Variants in FAF1 observed in about 807,000 individuals in gnomAD.
The protein encoded by FAF1 is FAS-associated factor 1.
FAF1 carries 25 observed loss-of-function variants against 92.5 expected under a neutral mutation model. The ratio of observed to expected loss-of-function variants is 0.27; its 90% CI spans 0.20 to 0.38. The LOEUF is 0.38. Among genes scored for constraint, FAF1 ranks in the 10% least tolerant of loss-of-function variants. The pLI is 1.00. For synonymous variants in FAF1, 234 were observed against 273.2 expected, an observed-to-expected ratio of 0.86 and a Z score of 1.42; for missense variants, 636 against 793.3, an observed-to-expected ratio of 0.80 and a Z score of 2.38.
chr1:50,751,102 T>C (rs760620964), intron 4 of FAF1, among the ~76,000 whole-genome samples: 4 of 141,818 alleles, frequency 2.8e-5, no homozygotes, highest in Admixed American at 7.2e-5. Flanking sequence ...CATATTAGTA[T>C]AGTAAATGAG....
chr1:50,627,608 A>C (rs561444479), intron 8 of FAF1, among the ~76,000 whole-genome samples: 1 of 152,192 alleles, frequency 6.6e-6, no homozygotes, highest in East Asian at 1.9e-4. Context: ...AAAGAGACAA[A>C]TAGTACATAC....
intron 7 of FAF1, among the ~76,000 whole-genome samples, chr1:50,689,305 C>A (rs1293141986): frequency 6.6e-6 from 1 of 152,152 alleles, no homozygotes; most frequent in African/African-American, 2.4e-5. Flanking sequence ...TATGTCCAGG[C>A]CAGGCGCAGT....
chr1:50,548,113 T>A (rs1649122141), intron 13 of FAF1, among the ~76,000 whole-genome samples: 1 of 152,186 alleles, frequency 6.6e-6, no homozygotes, highest in African/African-American at 2.4e-5. Context: ...CATATAACAT[T>A]TCTTCTGTGT....
chr1:50,703,171 C>G (rs1657544240), intron 7 of FAF1, among the ~76,000 whole-genome samples: 1 of 152,026 alleles, frequency 6.6e-6, no homozygotes, highest in Non-Finnish European at 1.5e-5. Context: ...TACAATTTAG[C>G]ACATATGGTA....
intron 8 of FAF1, chr1:50,612,624 T>C: frequency 3.2e-6 from 1 of 311,702 alleles, no homozygotes; most frequent in Non-Finnish European, 4.7e-6. Flanking sequence ...TCCAGCAGCA[T>C]CTAATTCCTT....
At chr1:50,677,837 G>T (rs1170906017) in intron 7 of FAF1, among the ~76,000 whole-genome samples, 1 of 148,926 alleles carries the variant, frequency 6.7e-6, no homozygotes, top group African/African-American at 2.5e-5. Context: ...GGAGGTTGTG[G>T]TGAGCCGAGA....
chr1:50,796,868 A>G (rs1569963117), intron 3 of FAF1, among the ~76,000 whole-genome samples: 1 of 152,066 alleles, frequency 6.6e-6, no homozygotes, highest in Non-Finnish European at 1.5e-5. Context: ...GGTGGCTCAC[A>G]CCTGTAATCC....
intron 1 of FAF1, among the ~76,000 whole-genome samples, chr1:50,903,222 T>C (rs1275863663): frequency 6.6e-6 from 1 of 152,190 alleles, no homozygotes; most frequent in Non-Finnish European, 1.5e-5. Flanking sequence ...TATTTCCTTG[T>C]TTATCATCTT....
chr1:50,589,337 A>G (rs946033673), intron 9 of FAF1, among the ~76,000 whole-genome samples: 8 of 152,044 alleles, frequency 5.3e-5, no homozygotes, highest in African/African-American at 1.7e-4. Context: ...CACCTGAAAA[A>G]TACGAAGTCT....
chr1:50,613,825 A>C (rs543725782), intron 8 of FAF1, among the ~76,000 whole-genome samples: 1 of 152,240 alleles, frequency 6.6e-6, no homozygotes, highest in Admixed American at 6.5e-5. Context: ...CAGGCAGGGC[A>C]TGGTGGCTCA....
rs376937412 is a variant in FAF1 at position 50,929,188 on chromosome 1, A to G, written c.45+30579T>C. On this transcript the variant is annotated intron_variant, in intron 1 of 18. Coordinates refer to ENST00000396153, the MANE Select transcript of FAF1 (RefSeq NM_007051.3). ...ATTATTAGGAAATGATGTGTTTAATAATACTCTCAAAGTATATCCCACAAT... is the reference window on the plus strand; with the variant it reads ...ATTATTAGGAAATGATGTGTTTAATGATACTCTCAAAGTATATCCCACAAT... Among the ~76,000 whole-genome samples, 14 of 152,172 alleles carry G rather than the reference A, an allele frequency of 9.2e-5. No individual in the cohort carries two copies. The East Asian group carries it at 2.5e-3, about 27-fold the overall frequency.
chr1:50,728,584 A>C (rs1658760771), intron 6 of FAF1, among the ~76,000 whole-genome samples: 2 of 152,046 alleles, frequency 1.3e-5, no homozygotes, highest in Non-Finnish European at 2.9e-5. Flanking sequence ...TGAGGTCAGA[A>C]GTTTGAGACC....
chr1:50,584,598 G>A, intron 10 of FAF1, 87 bp downstream of exon 10: 1 of 1,304,174 alleles, frequency 7.7e-7, no homozygotes, highest in Non-Finnish European at 1.1e-6. Flanking sequence ...AGGTCAGTAA[G>A]AGATGTTTAA....
chr1:50,863,198 G>A (rs552039498), intron 1 of FAF1, among the ~76,000 whole-genome samples: 5 of 151,678 alleles, frequency 3.3e-5, no homozygotes, highest in African/African-American at 7.3e-5. Flanking sequence ...ATTGGAAATC[G>A]ACTCCAAAAG....
intron 15 of FAF1, among the ~76,000 whole-genome samples, chr1:50,496,481 T>C (rs1354956508): frequency 6.6e-6 from 1 of 152,184 alleles, no homozygotes; most frequent in Admixed American, 6.5e-5. Context: ...AAGTGAGAGA[T>C]GTAAATGATG....
intron 1 of FAF1, among the ~76,000 whole-genome samples, chr1:50,947,473 T>G (rs765792805): frequency 6.6e-6 from 1 of 152,242 alleles, no homozygotes; most frequent in Non-Finnish European, 1.5e-5. Flanking sequence ...TCTGTTAATT[T>G]TACCAGACTG....
chr1:50,777,240 C>T (rs189433686), intron 4 of FAF1, among the ~76,000 whole-genome samples: 1 of 151,588 alleles, frequency 6.6e-6, no homozygotes, highest in African/African-American at 2.4e-5. Context: ...AATGAGACCC[C>T]ATTTCTTCAA....
At chr1:50,623,438 G>A (rs538852866) in intron 8 of FAF1, among the ~76,000 whole-genome samples, 35 of 151,650 alleles carry the variant, frequency 2.3e-4, no homozygotes, top group South Asian at 8.3e-4. Context: ...GTGTGGCGGC[G>A]TGCACCTGTA....
chr1:50,620,297 T>C (rs138011693), intron 8 of FAF1, among the ~76,000 whole-genome samples: 1 of 152,340 alleles, frequency 6.6e-6, no homozygotes, highest in African/African-American at 2.4e-5. Context: ...AATGAGTTGA[T>C]TTGAAGAACC....
Sources: allele counts gnomAD v4.1 joint callset (sites outside exome capture counted in the v4.1 genomes callset), GRCh38; gene constraint gnomAD v4.1.1; transcripts MANE v1.5; gene names NCBI Gene and HGNC (gene_info 2026-07-23, HGNC 2026-07-21).